IQSEC1: variants seen among roughly 807,000 people sequenced by gnomAD.
The protein encoded by IQSEC1 is IQ motif and Sec7 domain ArfGEF 1, also known as IQ motif and SEC7 domain-containing protein 1.
Under a neutral mutation model 91.0 loss-of-function variants are expected in IQSEC1, and 31 were observed. The observed-to-expected ratio is 0.34, with a 90% CI of 0.26 to 0.46. IQSEC1 has a LOEUF of 0.46. Ranked by LOEUF, IQSEC1 falls within the 20% of genes least tolerant of loss-of-function variation. The pLI, the probability that IQSEC1 is intolerant of heterozygous loss-of-function variation, is 1.00. For missense variants in IQSEC1, 1,388 were observed against 1,575.6 expected (o/e 0.88, Z 2.02); for synonymous variants, 699 against 662.6 (o/e 1.05, Z -0.84).
intron 1 of IQSEC1, among the ~76,000 whole-genome samples, chr3:12,968,820 A>G (rs889857896): frequency 2.0e-5 from 3 of 152,188 alleles, no homozygotes; most frequent in African/African-American, 7.2e-5. Flanking sequence ...GGCCTACGGG[A>G]GTCAGGAAGC....
intron 1 of IQSEC1, among the ~76,000 whole-genome samples, chr3:13,186,038 C>T (rs1169547373): frequency 6.6e-6 from 1 of 152,244 alleles, no homozygotes; most frequent in African/African-American, 2.4e-5. Context: ...TGGACACACT[C>T]AGCAGGATTT....
chr3:13,102,847 G>A (rs1299520145), intron 2 of IQSEC1, among the ~76,000 whole-genome samples: 4 of 152,192 alleles, frequency 2.6e-5, no homozygotes, highest in African/African-American at 9.7e-5. Flanking sequence ...CCCTGGTGCT[G>A]AGGGCTGTGC....
intron 1 of IQSEC1, among the ~76,000 whole-genome samples, chr3:13,177,116 T>C (rs1162462342): frequency 6.6e-6 from 1 of 152,194 alleles, no homozygotes; most frequent in East Asian, 1.9e-4. Context: ...GTTCTGGAAT[T>C]AGACAATGGC....
chr3:13,239,173 C>T (rs930990780), intron 1 of IQSEC1, among the ~76,000 whole-genome samples: 6 of 152,238 alleles, frequency 3.9e-5, no homozygotes, highest in Admixed American at 1.3e-4. Flanking sequence ...AAACTGGAAG[C>T]CGGCTGCCCA....
At chr3:13,202,731 T>C (rs973122167) in intron 1 of IQSEC1, among the ~76,000 whole-genome samples, 1 of 152,150 alleles carries the variant, frequency 6.6e-6, no homozygotes, top group Non-Finnish European at 1.5e-5. Flanking sequence ...ACAATATGAA[T>C]GTACTAATAC....
At chr3:13,038,319 A>G (rs1052822684) in intron 1 of IQSEC1, among the ~76,000 whole-genome samples, 5 of 143,860 alleles carry the variant, frequency 3.5e-5, no homozygotes, top group Non-Finnish European at 6.0e-5. Flanking sequence ...CTATTCAGCC[A>G]TAAATGATAT....
At position 13,008,264 on chromosome 3, in the gene IQSEC1, G is replaced by A. The variant is rs1171065821; in HGVS notation, c.23+64728C>T. ...GCCAAGCTGGACACCTCTCCTTCCCGCGTCGAAGCTCAGAGGTGAGCCTCA... is the reference window on the plus strand; with the variant it reads ...GCCAAGCTGGACACCTCTCCTTCCCACGTCGAAGCTCAGAGGTGAGCCTCA... On this transcript the variant is annotated intron_variant, in intron 1 of 13. Coordinates refer to ENST00000613206, the MANE Select transcript of IQSEC1 (RefSeq NM_001134382.3). The surrounding 1 kb of genome is among the most constrained non-coding windows in gnomAD (Gnocchi z 4.1). Among the ~76,000 whole-genome samples the A allele has an allele frequency of 2.0e-5, 3 of 152,130 alleles. No homozygotes were observed. The highest frequency in any genetic ancestry group is 2.1e-4 in the South Asian group (1 of 4,826).
At chr3:13,279,926 C>T (rs867950417) in intron 1 of IQSEC1, among the ~76,000 whole-genome samples, 1 of 152,228 alleles carries the variant, frequency 6.6e-6, no homozygotes, top group Non-Finnish European at 1.5e-5. Flanking sequence ...GCCTCCTGCC[C>T]CTGGCTCCAA....
At chr3:13,049,345 C>T (rs1704607020) in intron 1 of IQSEC1, among the ~76,000 whole-genome samples, 1 of 152,244 alleles carries the variant, frequency 6.6e-6, no homozygotes, top group Non-Finnish European at 1.5e-5. Context: ...CCTGCCACAG[C>T]CATAGAGATT....
intron 2 of IQSEC1, among the ~76,000 whole-genome samples, chr3:13,094,979 C>T (rs1397858670): frequency 6.6e-6 from 1 of 152,138 alleles, no homozygotes; most frequent in Non-Finnish European, 1.5e-5. Flanking sequence ...GCTGTGGCTG[C>T]GGTTTTGTTC....
At chr3:13,024,137 G>A (rs1232521215) in intron 1 of IQSEC1, among the ~76,000 whole-genome samples, 1 of 152,160 alleles carries the variant, frequency 6.6e-6, no homozygotes, top group Non-Finnish European at 1.5e-5. Context: ...AGTAGGGGAA[G>A]TTTTCACAAT....
In IQSEC1 at chr3:12,936,997, A is replaced by C. The variant is rs369570956; in HGVS notation, c.319-300T>G. The stretch of plus-strand genomic sequence containing the variant: ...ACCTAGGCTGGAGTGCAATGGCACA[A>C]TCTCGGTTCACTGCAACCTCCGCCT... On this transcript the variant is annotated intron_variant, in intron 2 of 13. Transcript: ENST00000613206. Among the ~76,000 whole-genome samples the C allele has an allele frequency of 9.8e-4, 149 of 151,956 alleles. 1 individual carries two copies. The highest frequency in any genetic ancestry group is 3.1e-3 in the African/African-American group (130 of 41,412).
chr3:13,110,619 G>A (rs1378706237), intron 2 of IQSEC1, among the ~76,000 whole-genome samples: 1 of 152,078 alleles, frequency 6.6e-6, no homozygotes, highest in African/African-American at 2.4e-5. Flanking sequence ...TCTTCCACAG[G>A]CCTGATTCTG....
rs1219999603 is a variant in IQSEC1, at chr3:12,899,618, G to A, written c.*1365C>T. On this transcript the variant is annotated 3_prime_UTR_variant, in exon 14 of 14. Coordinates refer to ENST00000613206, the MANE Select transcript of IQSEC1 (RefSeq NM_001134382.3). ...GGGCTCCGCCGGGCACTCGTCGGCT[G>A]GGGTCACACGGGCCACGGTGAGGAC... 1 of 985,318 alleles carries A rather than the reference G, an allele frequency of 1.0e-6. No individual in the cohort carries two copies. Among genetic ancestry groups the A allele is most frequent in the African/African-American group, 1.7e-5 (1 of 57,250 alleles). The allele number at this position is 985,318 out of a possible 1,614,324, so 61.0% of individuals were successfully genotyped here.
chr3:13,029,604 C>T (rs965312315), intron 1 of IQSEC1, among the ~76,000 whole-genome samples: 20 of 152,260 alleles, frequency 1.3e-4, no homozygotes, highest in African/African-American at 4.8e-4. Flanking sequence ...AATTCTTTAG[C>T]CCCTGTATCC....
intron 2 of IQSEC1, among the ~76,000 whole-genome samples, chr3:13,090,314 T>C (rs1576245142): frequency 6.6e-6 from 1 of 152,248 alleles, no homozygotes; most frequent in South Asian, 2.1e-4. Flanking sequence ...GCTAGCTTCA[T>C]GAAGGTAAGG....
chr3:12,937,767 T>C (rs1017780350), intron 2 of IQSEC1, among the ~76,000 whole-genome samples: 1 of 152,198 alleles, frequency 6.6e-6, no homozygotes, highest in African/African-American at 2.4e-5. Context: ...TTACAGTTCG[T>C]AAAGCCCCCA....
At chr3:13,040,669 C>T (rs1704227316) in intron 1 of IQSEC1, among the ~76,000 whole-genome samples, 1 of 152,248 alleles carries the variant, frequency 6.6e-6, no homozygotes, top group Admixed American at 6.5e-5. Context: ...TACCCCTTCC[C>T]AGCTCCATGG....
At chr3:13,258,414 G>A (rs1695327457) in intron 1 of IQSEC1, among the ~76,000 whole-genome samples, 2 of 152,282 alleles carry the variant, frequency 1.3e-5, no homozygotes, top group South Asian at 4.1e-4. Flanking sequence ...AGGTGTGATG[G>A]CTCACACTTG....
Sources: allele counts gnomAD v4.1 joint callset (sites outside exome capture counted in the v4.1 genomes callset), GRCh38; gene constraint gnomAD v4.1.1; non-coding constraint Gnocchi (gnomAD v3.1); transcripts MANE v1.5; gene names NCBI Gene and HGNC (gene_info 2026-07-23, HGNC 2026-07-21).